The following ARL1 variants were observed in gnomAD, a reference collection of about 807,000 sequenced individuals.
ARL1 encodes ADP-ribosylation factor-like protein 1.
Under a neutral mutation model 30.1 loss-of-function variants are expected in ARL1, and 17 were observed. The ratio of observed to expected loss-of-function variants is 0.56; its 90% confidence interval spans 0.39 to 0.85. The LOEUF is 0.85. ARL1 is among the 40% of genes least tolerant of loss of function. The probability of loss-of-function intolerance (pLI) is 0.00; values close to 1 mark genes in which losing one functional copy is unlikely to be tolerated. For synonymous variants in ARL1, 58 were observed against 71.7 expected (o/e 0.81, Z 0.97); for missense variants, 102 against 212.6 (o/e 0.48, Z 3.24).
chr12:101,403,122 T>C, intron 2 of ARL1, 176 bp from the exon 3 acceptor site: 1 of 476,538 alleles, frequency 2.1e-6, no homozygotes, highest in Non-Finnish European at 3.8e-6. Context: ...TGAATCACAT[T>C]ATTGGTTGAG....
Position 101,393,835 on chromosome 12 carries a change from T to C in ARL1, c.*1805A>G, listed in dbSNP as rs1159611950. ...AGCCTCAGGCTGTAAGTGAACTTGCTTTCTGCATTTTCCAGCCATGTGCCA... is the reference window on the plus strand; with the variant it reads ...AGCCTCAGGCTGTAAGTGAACTTGCCTTCTGCATTTTCCAGCCATGTGCCA... On this transcript the variant is annotated 3_prime_UTR_variant, in exon 6 of 6. Transcript: ENST00000261636. The C allele has an allele frequency of 1.3e-5, 2 of 152,132 alleles. No individual in the cohort carries two copies. Among genetic ancestry groups the C allele is most frequent in the African/African-American group, 4.8e-5 (2 of 41,414 alleles). The allele number at this position is 152,132 out of a possible 1,614,324, so 9.4% of individuals were successfully genotyped here.
chr12:101,395,962 A>G (rs1039748749), intron 5 of ARL1, among the ~76,000 whole-genome samples: 2 of 152,224 alleles, frequency 1.3e-5, no homozygotes, highest in Non-Finnish European at 1.5e-5. Flanking sequence ...CAAGGAGGTG[A>G]TTATCTAATG....
intron 4 of ARL1, among the ~76,000 whole-genome samples, chr12:101,400,019 C>T (rs762684959): frequency 6.6e-6 from 1 of 152,074 alleles, no homozygotes; most frequent in Non-Finnish European, 1.5e-5. Context: ...CCTCTGCCTC[C>T]TGGGTTCAAG....
At chr12:101,396,283 A>T in intron 5 of ARL1, 116 bp downstream of exon 5, 1 of 1,333,302 alleles carries the variant, frequency 7.5e-7, no homozygotes, top group South Asian at 1.2e-5. Flanking sequence ...CTTATGAAAT[A>T]AGCTGCTAAG....
At chr12:101,406,040 A>C (rs538424500) in intron 1 of ARL1, 59 bp from the exon 2 acceptor site, 55 of 1,376,002 alleles carry the variant, frequency 4.0e-5, no homozygotes, top group Non-Finnish European at 5.3e-5. Context: ...AGGTATACAA[A>C]ACATCTAACC....
chr12:101,396,321 G>A (rs1565814258), intron 5 of ARL1, 78 bp downstream of exon 5: 3 of 1,568,762 alleles, frequency 1.9e-6, no homozygotes, highest in Non-Finnish European at 2.6e-6. Context: ...CTCAACACGG[G>A]AGAAAAATTA....
intron 4 of ARL1, among the ~76,000 whole-genome samples, chr12:101,397,521 CAG>C (rs1424789193): frequency 1.3e-5 from 2 of 149,994 alleles, no homozygotes; most frequent in Non-Finnish European, 3.0e-5. Flanking sequence ...TTTTTTAAGA[CAG>C]TGTCTCGCTC....
intron 2 of ARL1, chr12:101,403,305 TA>T (rs1447005220): frequency 7.4e-6 from 3 of 406,380 alleles, no homozygotes; most frequent in Non-Finnish European, 9.5e-6. Flanking sequence ...AAAAAGAATT[TA>T]AAAAAGAAAT....
chr12:101,403,821 G>A (rs1489035361), intron 2 of ARL1: 3 of 152,416 alleles, frequency 2.0e-5, no homozygotes, highest in African/African-American at 4.8e-5. Context: ...TTAGCCGGGT[G>A]TGGTGGCACA....
chr12:101,395,805 A>G, intron 5 of ARL1, 135 bp from the exon 6 acceptor site: 1 of 616,072 alleles, frequency 1.6e-6, no homozygotes, highest in South Asian at 2.2e-5. Context: ...GAGGTTATGC[A>G]CTAGATATCC....
chr12:101,403,004 A>G, intron 2 of ARL1, 58 bp from the exon 3 acceptor site: 1 of 1,124,816 alleles, frequency 8.9e-7, no homozygotes, highest in Non-Finnish European at 1.3e-6. Context: ...CCTTCAAAAT[A>G]TCCTATCTAA....
At chr12:101,396,299 CAA>C (rs1162036522) in intron 5 of ARL1, 98 bp downstream of exon 5, 6 of 1,475,276 alleles carry the variant, frequency 4.1e-6, no homozygotes, top group East Asian at 2.3e-5. Flanking sequence ...CTAAGTAAAT[CAA>C]AGTTTCATCC....
rs1871056916 is a variant in ARL1 at position 101,393,229 on chromosome 12, G to A, written c.*2411C>T. 6.6e-6 allele frequency: 1 copy of A among 151,644 alleles called. No homozygotes were observed. Among genetic ancestry groups the A allele is most frequent in the African/African-American group, 2.4e-5 (1 of 41,258 alleles). 9.4% of individuals were successfully genotyped at this position (151,644 alleles called of 1,614,324 possible). Reference sequence around the variant, plus strand: ...GGATACTAACAGTAAATAAGATACGGTCCCTGCCCTCAGAGCTTACATTTC... The same window carrying A: ...GGATACTAACAGTAAATAAGATACGATCCCTGCCCTCAGAGCTTACATTTC... On this transcript the variant is annotated 3_prime_UTR_variant, in exon 6 of 6. Coordinates refer to ENST00000261636, the MANE Select transcript of ARL1 (RefSeq NM_001177.6).
chr12:101,400,988 TC>T, intron 4 of ARL1, 73 bp downstream of exon 4: 1 of 1,010,706 alleles, frequency 9.9e-7, no homozygotes, highest in East Asian at 2.4e-5. Flanking sequence ...ACCCCTGCAT[TC>T]TTTTTAATTA....
At chr12:101,399,374 T>C (rs1016361339) in intron 4 of ARL1, among the ~76,000 whole-genome samples, 2 of 151,542 alleles carry the variant, frequency 1.3e-5, no homozygotes, top group Non-Finnish European at 2.9e-5. Flanking sequence ...AAGCCGGGTG[T>C]GGTGGCAGAA....
rs1304746699 is a variant in ARL1 at position 101,395,442 on chromosome 12, T to C, written c.*198A>G. The C allele has an allele frequency of 5.6e-6, 3 of 539,876 alleles. No individual in the cohort carries two copies. Among genetic ancestry groups the C allele is most frequent in the Admixed American group, 3.4e-5 (1 of 29,026 alleles). 33.4% of individuals were successfully genotyped at this position (539,876 alleles called of 1,614,324 possible). ...CAAGAAAAGAATATTTTACATTACA[T>C]AGAACATTCAGGTGATTCGATCAAA... On this transcript the variant is annotated 3_prime_UTR_variant, in exon 6 of 6. Coordinates refer to ENST00000261636, the MANE Select transcript of ARL1 (RefSeq NM_001177.6).
intron 4 of ARL1, among the ~76,000 whole-genome samples, chr12:101,400,006 C>T (rs571024622): frequency 1.3e-5 from 2 of 152,258 alleles, no homozygotes; most frequent in South Asian, 2.1e-4. Flanking sequence ...CGGCTCACTG[C>T]AACCTCTGCC....
chr12:101,394,299 C>T lies in ARL1; in HGVS notation c.*1341G>A, dbSNP rs1269308829. ...GCAGGGAACCATGGTATTAAGCTCT[C>T]ATTACCAGCACCTAATTTTTTAGAG... On this transcript the variant is annotated 3_prime_UTR_variant, in exon 6 of 6. Transcript: ENST00000261636. The T allele has an allele frequency of 6.6e-6, 1 of 152,200 alleles. No individual in the cohort carries two copies. The highest frequency in any genetic ancestry group is 2.4e-5 in the African/African-American group (1 of 41,456). 9.4% of individuals were successfully genotyped at this position (152,200 alleles called of 1,614,324 possible).
Position 101,394,053 on chromosome 12 carries a change from G to A in ARL1, c.*1587C>T, listed in dbSNP as rs995144927. ...TATTGGTTGTACTGGAACATTTGTA[G>A]CTGAAGGAAAATCTCCAAAAAAGAT... is the stretch of plus-strand genomic sequence containing the variant. On this transcript the variant is annotated 3_prime_UTR_variant, in exon 6 of 6. Coordinates refer to ENST00000261636, the MANE Select transcript of ARL1 (RefSeq NM_001177.6). The A allele has an allele frequency of 6.6e-6, 1 of 151,718 alleles. No individual in the cohort carries two copies. Among genetic ancestry groups the A allele is most frequent in the Non-Finnish European group, 1.5e-5 (1 of 67,986 alleles). 9.4% of individuals were successfully genotyped at this position (151,718 alleles called of 1,614,324 possible).
Sources: gnomAD v4.1 joint callset for allele counts (sites outside exome capture counted in the v4.1 genomes callset) on GRCh38, gnomAD v4.1.1 for gene constraint, MANE v1.5 for transcripts, NCBI Gene and HGNC (gene_info 2026-07-23, HGNC 2026-07-21) for gene names.